The following TMCC1 variants were observed in gnomAD, a reference collection of about 807,000 sequenced individuals.
TMCC1 encodes the protein transmembrane and coiled-coil domain family 1, also known as transmembrane and coiled-coil domains protein 1.
A neutral mutation model predicts 52.4 loss-of-function variants in TMCC1; 15 were observed. The observed-to-expected ratio is 0.29, with a 90% CI of 0.19 to 0.44. The LOEUF (loss-of-function observed/expected upper bound fraction) is 0.44. TMCC1 is among the 20% of genes least tolerant of loss of function. TMCC1 has a pLI of 1.00. For missense variants in TMCC1, 503 were observed against 806.0 expected (o/e 0.62, Z 4.55); for synonymous variants, 279 against 301.9 (o/e 0.92, Z 0.79).
At chr3:129,888,984 G>A (rs2061844108) in intron 1 of TMCC1, among the ~76,000 whole-genome samples, 1 of 152,028 alleles carries the variant, frequency 6.6e-6, no homozygotes, top group African/African-American at 2.4e-5. Context: ...AAAAATACCT[G>A]ACCACGGCTG....
intron 5 of TMCC1, among the ~76,000 whole-genome samples, chr3:129,668,621 G>T (rs1171431128): frequency 2.0e-5 from 3 of 152,156 alleles, no homozygotes; most frequent in Non-Finnish European, 2.9e-5. Context: ...GTATACTTAA[G>T]AATTTATTTT....
At chr3:129,797,384 C>A (rs1293823554) in intron 4 of TMCC1, among the ~76,000 whole-genome samples, 1 of 151,066 alleles carries the variant, frequency 6.6e-6, no homozygotes, top group East Asian at 2.0e-4. Flanking sequence ...GAAGATGCAT[C>A]AAATTCAAAC....
chr3:129,657,843 T>G (rs188401017), intron 5 of TMCC1, among the ~76,000 whole-genome samples: 2 of 152,332 alleles, frequency 1.3e-5, no homozygotes, highest in Admixed American at 1.3e-4. Context: ...GCAAAACAGT[T>G]TGGCACCTCC....
intron 2 of TMCC1, among the ~76,000 whole-genome samples, chr3:129,873,985 C>A (rs2061061528): frequency 6.6e-6 from 1 of 152,008 alleles, no homozygotes; most frequent in Non-Finnish European, 1.5e-5. Flanking sequence ...GAACAGTAGA[C>A]CTCTATTTGA....
At chr3:129,777,234 G>A (rs1013272059) in intron 4 of TMCC1, among the ~76,000 whole-genome samples, 1 of 151,992 alleles carries the variant, frequency 6.6e-6, no homozygotes, top group Non-Finnish European at 1.5e-5. Flanking sequence ...TCTGCAATAC[G>A]ATAGGCCGTC....
intron 4 of TMCC1, among the ~76,000 whole-genome samples, chr3:129,815,785 G>A (rs1190126212): frequency 6.6e-6 from 1 of 152,030 alleles, no homozygotes; most frequent in East Asian, 1.9e-4. Context: ...CACAGCAAAG[G>A]AAACAATCAA....
chr3:129,684,418 G>C (rs2089254653), intron 4 of TMCC1, among the ~76,000 whole-genome samples: 1 of 152,170 alleles, frequency 6.6e-6, no homozygotes, highest in Non-Finnish European at 1.5e-5. Flanking sequence ...GGGGAGAGTG[G>C]GAGAGACTAC....
At chr3:129,877,653 G>C (rs1173467566) in intron 2 of TMCC1, among the ~76,000 whole-genome samples, 1 of 133,362 alleles carries the variant, frequency 7.5e-6, no homozygotes, top group Non-Finnish European at 1.5e-5. Flanking sequence ...TTGAGACAGA[G>C]AGTCTCACTC....
At position 129,759,709 on chromosome 3, in the gene TMCC1, A is replaced by ATTTTTTTTTTTTT. The variant is rs1560350161; in HGVS notation, c.576+68093_576+68094insAAAAAAAAAAAAA. 1.2e-4 allele frequency among the ~76,000 whole-genome samples: 12 copies of ATTTTTTTTTTTTT among 98,352 alleles called. 2 individuals are homozygous for ATTTTTTTTTTTTT. Among genetic ancestry groups the ATTTTTTTTTTTTT allele is most frequent in the African/African-American group, 4.3e-4 (11 of 25,314 alleles). 64.5% of individuals were successfully genotyped at this position (98,352 alleles called of 152,430 possible). On this transcript the variant is annotated intron_variant, in intron 4 of 6. Coordinates refer to ENST00000393238, the MANE Select transcript of TMCC1 (RefSeq NM_001017395.5). ...GGCATGAGCCACTGCAGCCAGCCAA[A>ATTTTTTTTTTTTT]CTTTTTTTTTTTTTTTTTTTTTTTT...
chr3:129,745,988 C>A (rs980274741), intron 4 of TMCC1, among the ~76,000 whole-genome samples: 1 of 151,524 alleles, frequency 6.6e-6, no homozygotes. Flanking sequence ...AACACCTGGC[C>A]TTAAGTGATC....
At chr3:129,795,845 G>A (rs544204301) in intron 4 of TMCC1, among the ~76,000 whole-genome samples, 7 of 152,284 alleles carry the variant, frequency 4.6e-5, no homozygotes, top group Non-Finnish European at 1.0e-4. Flanking sequence ...CTGAGTAAGC[G>A]ATTTGGTCAT....
At chr3:129,662,246 C>T (rs2087091721) in intron 5 of TMCC1, among the ~76,000 whole-genome samples, 1 of 152,064 alleles carries the variant, frequency 6.6e-6, no homozygotes, top group African/African-American at 2.4e-5. Flanking sequence ...ATGATGGGGA[C>T]ACATCTTGAG....
At chr3:129,677,560 C>A (rs188670024) in intron 4 of TMCC1, among the ~76,000 whole-genome samples, 2 of 152,314 alleles carry the variant, frequency 1.3e-5, no homozygotes, top group East Asian at 3.9e-4. Context: ...GATACAGTGT[C>A]ATTAAAACAG....
chr3:129,709,720 T>A (rs1368132153), intron 4 of TMCC1, among the ~76,000 whole-genome samples: 1 of 152,020 alleles, frequency 6.6e-6, no homozygotes, highest in East Asian at 1.9e-4. Flanking sequence ...CTTCTGCTTG[T>A]ATTTTTGGGC....
intron 2 of TMCC1, among the ~76,000 whole-genome samples, chr3:129,859,876 T>A (rs2060309466): frequency 6.6e-6 from 1 of 152,128 alleles, no homozygotes; most frequent in African/African-American, 2.4e-5. Flanking sequence ...AACTTAAAAA[T>A]TTCCCACTAA....
intron 4 of TMCC1, among the ~76,000 whole-genome samples, chr3:129,724,476 C>T (rs908942454): frequency 6.6e-6 from 1 of 152,194 alleles, no homozygotes; most frequent in African/African-American, 2.4e-5. Context: ...AGCTGAAGAA[C>T]CCCAAACCAC....
chr3:129,688,346 T>C, intron 4 of TMCC1: 2 of 985,370 alleles, frequency 2.0e-6, no homozygotes, highest in Non-Finnish European at 2.4e-6. Context: ...AGCTGTGGCA[T>C]AGTCTGTCAC....
chr3:129,683,848 T>C (rs887557695), intron 4 of TMCC1, among the ~76,000 whole-genome samples: 5 of 152,224 alleles, frequency 3.3e-5, no homozygotes, highest in Admixed American at 2.0e-4. Context: ...TTCAGACTCC[T>C]GATACAATCT....
chr3:129,706,180 G>A (rs558624915), intron 4 of TMCC1, among the ~76,000 whole-genome samples: 6 of 149,886 alleles, frequency 4.0e-5, no homozygotes, highest in African/African-American at 9.8e-5. Flanking sequence ...GTGAGCCACC[G>A]CGCCTGGCCA....
Sources: allele counts gnomAD v4.1 joint callset (sites outside exome capture counted in the v4.1 genomes callset), GRCh38; gene constraint gnomAD v4.1.1; transcripts MANE v1.5; gene names NCBI Gene and HGNC (gene_info 2026-07-23, HGNC 2026-07-21).